TMEM163: variants seen among roughly 807,000 people sequenced by gnomAD.
The protein encoded by TMEM163 is transmembrane protein 163.
In TMEM163, 17 loss-of-function variants were observed where a neutral mutation model predicts 29.3. The observed-to-expected ratio is 0.58, with a 90% CI of 0.40 to 0.87. The LOEUF (loss-of-function observed/expected upper bound fraction) is 0.87. Among genes scored for constraint, TMEM163 ranks in the 40% least tolerant of loss-of-function variants. The pLI, the probability that TMEM163 is intolerant of heterozygous loss-of-function variation, is 0.00. For synonymous variants in TMEM163, 157 were observed against 160.6 expected (o/e 0.98, Z 0.17); for missense variants, 303 against 381.5 (o/e 0.79, Z 1.71).
At chr2:134,593,486 T>C (rs1681985860) in intron 2 of TMEM163, among the ~76,000 whole-genome samples, 1 of 152,000 alleles carries the variant, frequency 6.6e-6, no homozygotes, top group African/African-American at 2.4e-5. Context: ...TGACAACACT[T>C]AAAAAGGCAC....
chr2:134,462,150 C>A (rs901550542), intron 6 of TMEM163, among the ~76,000 whole-genome samples: 7 of 132,530 alleles, frequency 5.3e-5, no homozygotes, highest in African/African-American at 2.7e-4. Context: ...GGGGGCATTG[C>A]CTCTGCTCTC....
intron 2 of TMEM163, among the ~76,000 whole-genome samples, chr2:134,593,346 G>A (rs778854166): frequency 3.2e-4 from 48 of 152,180 alleles, no homozygotes; most frequent in Non-Finnish European, 6.0e-4. Flanking sequence ...CAGCCTGACA[G>A]CTACATGGAC....
chr2:134,524,088 G>A lies in TMEM163; in HGVS notation c.459-21091C>T, dbSNP rs114042776. Among the ~76,000 whole-genome samples, 682 of 152,280 alleles carry A rather than the reference G, an allele frequency of 4.5e-3. 3 individuals carry two copies. Among genetic ancestry groups the A allele is most frequent in the African/African-American group, 0.014 (575 of 41,552 alleles). ...GTGTGGTTCTTGGACCAGCAGCAGC[G>A]ACATAACCCAGGATCTCAGAATCTC... is the stretch of plus-strand genomic sequence containing the variant. On this transcript the variant is annotated intron_variant, in intron 4 of 7. Transcript: ENST00000281924.
At chr2:134,610,831 G>A (rs980441093) in intron 2 of TMEM163, among the ~76,000 whole-genome samples, 1 of 152,148 alleles carries the variant, frequency 6.6e-6, no homozygotes, top group African/African-American at 2.4e-5. Flanking sequence ...AGGGGACCCA[G>A]GGGAGAATGT....
chr2:134,537,720 C>T (rs970799459), intron 4 of TMEM163, among the ~76,000 whole-genome samples: 4 of 152,316 alleles, frequency 2.6e-5, no homozygotes, highest in Admixed American at 2.6e-4. Context: ...TCATCTGAGT[C>T]CCCTGACTTT....
chr2:134,640,049 AT>A (rs1324757835), intron 2 of TMEM163, among the ~76,000 whole-genome samples: 1 of 152,182 alleles, frequency 6.6e-6, no homozygotes, highest in Non-Finnish European at 1.5e-5. Flanking sequence ...TGCCATTTCT[AT>A]TTCCTGGTAA....
chr2:134,587,754 T>C (rs561878125), intron 2 of TMEM163, among the ~76,000 whole-genome samples: 1 of 152,324 alleles, frequency 6.6e-6, no homozygotes, highest in East Asian at 1.9e-4. Flanking sequence ...CCACACAATG[T>C]GGAAAACCTG....
chr2:134,473,846 C>G (rs1377546126), intron 5 of TMEM163, among the ~76,000 whole-genome samples: 1 of 152,206 alleles, frequency 6.6e-6, no homozygotes, highest in Non-Finnish European at 1.5e-5. Flanking sequence ...AACCCTGTAT[C>G]AACCGAAGAC....
chr2:134,688,765 T>C (rs1684397848), intron 2 of TMEM163, among the ~76,000 whole-genome samples: 1 of 152,152 alleles, frequency 6.6e-6, no homozygotes, highest in African/African-American at 2.4e-5. Context: ...CAACAGATTA[T>C]CTTCCTTTCA....
intron 2 of TMEM163, among the ~76,000 whole-genome samples, chr2:134,616,778 C>T (rs1256625472): frequency 6.6e-6 from 1 of 152,072 alleles, no homozygotes; most frequent in East Asian, 1.9e-4. Context: ...GAGACTGGGC[C>T]AAAGTACACA....
chr2:134,549,417 G>A (rs1003012091), intron 4 of TMEM163, among the ~76,000 whole-genome samples: 6 of 152,244 alleles, frequency 3.9e-5, no homozygotes, highest in Admixed American at 6.5e-5. Context: ...GCACAATCTC[G>A]GCTCACTACA....
intron 2 of TMEM163, among the ~76,000 whole-genome samples, chr2:134,589,451 G>T (rs115875770): frequency 3.9e-5 from 6 of 152,282 alleles, no homozygotes; most frequent in African/African-American, 1.4e-4. Flanking sequence ...CCAAGAAGGC[G>T]ATGAAAGTGA....
intron 2 of TMEM163, among the ~76,000 whole-genome samples, chr2:134,577,764 T>C (rs1426008724): frequency 6.7e-6 from 1 of 149,438 alleles, no homozygotes; most frequent in African/African-American, 2.4e-5. Flanking sequence ...CCCTTCTCTG[T>C]GGGTTCTTTA....
chr2:134,503,581 A>T (rs1418950297), intron 4 of TMEM163, among the ~76,000 whole-genome samples: 1 of 152,236 alleles, frequency 6.6e-6, no homozygotes, highest in Non-Finnish European at 1.5e-5. Flanking sequence ...TGACGTTGAT[A>T]GACCCCTTTG....
intron 2 of TMEM163, among the ~76,000 whole-genome samples, chr2:134,625,235 C>T (rs1682822220): frequency 6.6e-6 from 1 of 152,002 alleles, no homozygotes; most frequent in Admixed American, 6.6e-5. Flanking sequence ...ATAACTAATG[C>T]CTCTCAAAAA....
At chr2:134,698,787 C>A (rs1477371756) in intron 2 of TMEM163, among the ~76,000 whole-genome samples, 1 of 152,114 alleles carries the variant, frequency 6.6e-6, no homozygotes, top group Non-Finnish European at 1.5e-5. Context: ...GGTATTTTAG[C>A]TATATTTGAT....
At chr2:134,640,602 G>A (rs183308703) in intron 2 of TMEM163, among the ~76,000 whole-genome samples, 66 of 152,248 alleles carry the variant, frequency 4.3e-4, no homozygotes, top group Admixed American at 1.4e-3. Flanking sequence ...TCTATGAACC[G>A]GGGAAATGCT....
chr2:134,525,386 C>A (rs1252900929), intron 4 of TMEM163, among the ~76,000 whole-genome samples: 1 of 152,166 alleles, frequency 6.6e-6, no homozygotes, highest in African/African-American at 2.4e-5. Flanking sequence ...TAAGACTTAG[C>A]TTCCTTGGAA....
At chr2:134,519,352 G>A (rs997534667) in intron 4 of TMEM163, among the ~76,000 whole-genome samples, 62 of 152,148 alleles carry the variant, frequency 4.1e-4, no homozygotes, top group African/African-American at 1.4e-3. Context: ...AGTCTGTCCT[G>A]AGGTTTGTGT....
Sources: gnomAD v4.1 joint callset for allele counts (sites outside exome capture counted in the v4.1 genomes callset) on GRCh38, gnomAD v4.1.1 for gene constraint, MANE v1.5 for transcripts, NCBI Gene and HGNC (gene_info 2026-07-23, HGNC 2026-07-21) for gene names.